The following ASIC2 variants were observed in gnomAD, a reference collection of about 807,000 sequenced individuals.
ASIC2 encodes acid-sensing ion channel 2.
Under a neutral mutation model 57.3 loss-of-function variants are expected in ASIC2, and 25 were observed. The observed-to-expected ratio is 0.44, with a 90% CI of 0.32 to 0.61. The LOEUF (loss-of-function observed/expected upper bound fraction) is 0.61, where lower values mean the gene tolerates loss of function less well. Among genes scored for constraint, ASIC2 ranks in the 20% least tolerant of loss-of-function variants. ASIC2 has a pLI of 0.06. For synonymous variants in ASIC2, 319 were observed against 307.5 expected (o/e 1.04, Z -0.39); for missense variants, 641 against 738.1 (o/e 0.87, Z 1.52).
chr17:34,095,644 T>TAGAGAGAG (rs1490928576), intron 1 of ASIC2, among the ~76,000 whole-genome samples: 7 of 119,848 alleles, frequency 5.8e-5, no homozygotes, highest in South Asian at 5.1e-4. Flanking sequence ...TATATATATA[T>TAGAGAGAG]ATATATATAT....
At chr17:33,032,092 A>T (rs568261510) in intron 3 of ASIC2, among the ~76,000 whole-genome samples, 24 of 152,208 alleles carry the variant, frequency 1.6e-4, no homozygotes, top group African/African-American at 5.5e-4. Flanking sequence ...GGAAGGTTTG[A>T]TCTATTTACA....
intron 3 of ASIC2, among the ~76,000 whole-genome samples, chr17:33,064,635 G>T (rs2092035563): frequency 6.6e-6 from 1 of 152,182 alleles, no homozygotes. Context: ...GGCTACTCGG[G>T]GGTCAGGGAC....
chr17:33,374,142 C>T (rs544430703), intron 1 of ASIC2, among the ~76,000 whole-genome samples: 12 of 151,962 alleles, frequency 7.9e-5, no homozygotes, highest in South Asian at 2.1e-4. Context: ...ATTACAGGTG[C>T]GCACCACCCA....
intron 1 of ASIC2, chr17:33,793,288 G>A (rs1390155229): frequency 3.3e-5 from 5 of 152,204 alleles, no homozygotes; most frequent in Non-Finnish European, 7.3e-5. Context: ...TACTTGCAGA[G>A]CACTTTCCAA....
chr17:33,336,729 CTCTCTA>C (rs1907528786), intron 1 of ASIC2, among the ~76,000 whole-genome samples: 1 of 152,134 alleles, frequency 6.6e-6, no homozygotes, highest in Non-Finnish European at 1.5e-5. Context: ...AACACTTTCT[CTCTCTA>C]TCTCTGTCTT....
chr17:33,102,979 T>A (rs1202567484), intron 2 of ASIC2, among the ~76,000 whole-genome samples: 1 of 152,136 alleles, frequency 6.6e-6, no homozygotes. Context: ...GAGACAGGGT[T>A]TCACCATGTT....
At chr17:33,200,147 C>T (rs1005981439) in intron 1 of ASIC2, among the ~76,000 whole-genome samples, 1 of 152,324 alleles carries the variant, frequency 6.6e-6, no homozygotes, top group East Asian at 1.9e-4. Context: ...CTTTCTCTAA[C>T]CCCCGAGCTT....
intron 1 of ASIC2, among the ~76,000 whole-genome samples, chr17:33,301,649 G>A (rs983337021): frequency 6.6e-6 from 1 of 152,166 alleles, no homozygotes; most frequent in Non-Finnish European, 1.5e-5. Flanking sequence ...TGGGGGACAT[G>A]AGAAAGAAAA....
intron 1 of ASIC2, among the ~76,000 whole-genome samples, chr17:33,379,739 T>C (rs368523073): frequency 6.6e-6 from 1 of 152,258 alleles, no homozygotes; most frequent in African/African-American, 2.4e-5. Flanking sequence ...CTGCTCTTAT[T>C]CATTTTACCG....
chr17:33,396,314 G>A (rs1233492499), intron 1 of ASIC2, among the ~76,000 whole-genome samples: 2 of 152,150 alleles, frequency 1.3e-5, no homozygotes, highest in African/African-American at 2.4e-5. Flanking sequence ...AACAATTACG[G>A]TTCTGAAACT....
chr17:33,732,326 G>A (rs1472640905), intron 1 of ASIC2, among the ~76,000 whole-genome samples: 1 of 152,104 alleles, frequency 6.6e-6, no homozygotes, highest in East Asian at 1.9e-4. Flanking sequence ...TTCATGTCAG[G>A]CGCTGTCCTA....
chr17:33,782,230 G>A (rs2087633), intron 1 of ASIC2, among the ~76,000 whole-genome samples: 86,119 of 151,928 alleles, frequency 0.57, 25,610 homozygotes, highest in Non-Finnish European at 0.66. Flanking sequence ...ACTCTGCCTA[G>A]CCCTCAGTCC....
intron 1 of ASIC2, among the ~76,000 whole-genome samples, chr17:33,439,451 A>C (rs1209402124): frequency 6.6e-6 from 1 of 152,138 alleles, no homozygotes; most frequent in Non-Finnish European, 1.5e-5. Flanking sequence ...GAGAGGACTT[A>C]AGAGCATGTT....
intron 1 of ASIC2, among the ~76,000 whole-genome samples, chr17:34,026,643 G>C (rs1907389194): frequency 6.6e-6 from 1 of 152,088 alleles, no homozygotes; most frequent in Non-Finnish European, 1.5e-5. Flanking sequence ...CGTTCTTTCT[G>C]CTCTCTCCAT....
chr17:33,044,261 C>CCATCCAT (rs2091942068), intron 3 of ASIC2, among the ~76,000 whole-genome samples: 14 of 137,732 alleles, frequency 1.0e-4, no homozygotes, highest in African/African-American at 2.9e-4. Flanking sequence ...CATCCATCTA[C>CCATCCAT]CCATCCATCC....
At chr17:33,775,166 T>C (rs1402736392) in intron 1 of ASIC2, among the ~76,000 whole-genome samples, 1 of 152,230 alleles carries the variant, frequency 6.6e-6, no homozygotes, top group Admixed American at 6.5e-5. Context: ...TAACTTTGTT[T>C]GCCAAGTGAG....
At chr17:33,724,730 A>G (rs866400352) in intron 1 of ASIC2, among the ~76,000 whole-genome samples, 43 of 152,130 alleles carry the variant, frequency 2.8e-4, no homozygotes, top group African/African-American at 1.0e-3. Context: ...TTGAACAGGT[A>G]AGTTTGATGC....
chr17:33,196,305 C>T (rs911626821), intron 1 of ASIC2, among the ~76,000 whole-genome samples: 11 of 146,748 alleles, frequency 7.5e-5, no homozygotes, highest in East Asian at 3.9e-4. Context: ...GTACACGAGA[C>T]GATGATGATG....
At chr17:33,731,537 A>T (rs1310096659) in intron 1 of ASIC2, among the ~76,000 whole-genome samples, 1 of 152,210 alleles carries the variant, frequency 6.6e-6, no homozygotes, top group African/African-American at 2.4e-5. Flanking sequence ...TTCTGCTGGG[A>T]CTAATCAATA....
Sources: gnomAD v4.1 joint callset for allele counts (sites outside exome capture counted in the v4.1 genomes callset) on GRCh38, gnomAD v4.1.1 for gene constraint, MANE v1.5 for transcripts, NCBI Gene and HGNC (gene_info 2026-07-23, HGNC 2026-07-21) for gene names.